Variants in PA2G4 observed in about 807,000 individuals in gnomAD.
The protein encoded by PA2G4 is proliferation-associated protein 2G4.
Under a neutral mutation model 53.3 loss-of-function variants are expected in PA2G4, and 8 were observed. That is an observed-to-expected ratio of 0.15 (90% confidence interval 0.09 to 0.27). The LOEUF is 0.27. Among genes scored for constraint, PA2G4 ranks in the 10% least tolerant of loss-of-function variants. The pLI, the probability that PA2G4 is intolerant of heterozygous loss-of-function variation, is 1.00. For synonymous variants in PA2G4, 143 were observed against 169.8 expected (o/e 0.84, Z 1.23); for missense variants, 208 against 486.8 (o/e 0.43, Z 5.39).
rs552743612 is a variant in PA2G4, at chr12:56,105,387, A to G, written c.88+562A>G. 2.6e-5 allele frequency among the ~76,000 whole-genome samples: 4 copies of G among 152,184 alleles called. No individual in the cohort carries two copies. In the South Asian group the frequency reaches 8.3e-4, roughly 32 times the overall value. On this transcript the variant is annotated intron_variant, in intron 1 of 12. Transcript: ENST00000303305. The stretch of plus-strand genomic sequence containing the variant: ...GCTGGAGCCTTTCCTTCTTTACTTC[A>G]GCTCTTACCCTGGTGGGGGCCCCCT...
Position 56,104,761 on chromosome 12 carries a change from G to A in PA2G4, c.24G>A (p.Gln8=). The A allele has an allele frequency of 6.2e-7, 1 of 1,614,000 alleles. No individual in the cohort carries two copies. The highest frequency in any genetic ancestry group is 8.5e-7 in the Non-Finnish European group (1 of 1,180,026). The part of the protein sequence containing the change: MSGEDEQ[Q]EQTIAEDLVV... Reference sequence around the variant, plus strand: ...AGATGTCGGGCGAGGACGAGCAACAGGAGCAAACTATCGCTGAGGACCTGG... The same window carrying A: ...AGATGTCGGGCGAGGACGAGCAACAAGAGCAAACTATCGCTGAGGACCTGG... The change falls in exon 1 of 13, where the codon CAG becomes CAA. Residue 8 remains glutamine, a synonymous_variant. Transcript: ENST00000303305.
Position 56,109,221 on chromosome 12 carries a change from T to C in PA2G4, c.487-9T>C. The C allele has an allele frequency of 6.2e-7, 1 of 1,602,920 alleles. No individual in the cohort carries two copies. The highest frequency in any genetic ancestry group is 1.1e-5 in the South Asian group (1 of 90,804). On this transcript the variant is annotated splice_polypyrimidine_tract_variant and intron_variant, in intron 5 of 12. Transcript: ENST00000303305. ...ATATCTCACCTTTCATTTGATGTTG[T>C]ACTTCTAGAACACACAAGTGACAGA...
intron 6 of PA2G4, among the ~76,000 whole-genome samples, chr12:56,109,648 A>G (rs1051294338): frequency 1.2e-4 from 18 of 151,322 alleles, no homozygotes; most frequent in African/African-American, 4.4e-4. Flanking sequence ...AAAAAAAAAG[A>G]ATGAGTGGCT....
Position 56,110,485 on chromosome 12 carries a change from G to T in PA2G4, c.708+8G>T. ...AGCTCAGGAGAGGGCAAGGTGAGGA[G>T]AGTACCAGAGTTGGCAAAGAGGGGT... On this transcript the variant is annotated splice_region_variant and intron_variant, in intron 8 of 12. Transcript: ENST00000303305. The T allele has an allele frequency of 6.2e-7, 1 of 1,613,260 alleles. No individual in the cohort carries two copies. Among genetic ancestry groups the T allele is most frequent in the Non-Finnish European group, 8.5e-7 (1 of 1,179,204 alleles).
intron 12 of PA2G4, 35 bp from the exon 13 acceptor site, chr12:56,112,788 G>T: frequency 7.1e-7 from 1 of 1,417,694 alleles, no homozygotes; most frequent in South Asian, 1.2e-5. Context: ...GTTAGAAACT[G>T]ACAGGTCTTC....
At chr12:56,109,728 C>G (rs1243957579) in intron 6 of PA2G4, 129 bp from the exon 7 acceptor site, 1 of 680,812 alleles carries the variant, frequency 1.5e-6, no homozygotes, top group Non-Finnish European at 2.7e-6. Flanking sequence ...CCAGAAATCT[C>G]AGAGCCCTGT....
Position 56,110,703 on chromosome 12 carries a change from A to T in PA2G4, c.842+11A>T, listed in dbSNP as rs763677064. On this transcript the variant is annotated intron_variant, in intron 9 of 12. Transcript: ENST00000303305. ...GCCGTTTACTTTAAGGTACTAAGCAATGATAGTACTTGGAACCAGTCTGAC... is the reference window on the plus strand; with the variant it reads ...GCCGTTTACTTTAAGGTACTAAGCATTGATAGTACTTGGAACCAGTCTGAC... 6.2e-7 allele frequency: 1 copy of T among 1,613,664 alleles called. No homozygotes were observed. The highest frequency in any genetic ancestry group is 8.5e-7 in the Non-Finnish European group (1 of 1,179,774).
intron 12 of PA2G4, among the ~76,000 whole-genome samples, 167 bp downstream of exon 12, chr12:56,111,696 A>C (rs1047868844): frequency 8.4e-6 from 1 of 118,612 alleles, no homozygotes. Context: ...CTGTAAGTCA[A>C]AATGGATTTT....
At position 56,113,874 on chromosome 12, in the gene PA2G4, C is replaced by T. The variant is rs1197580311; in HGVS notation, c.*986C>T. 1.1e-5 allele frequency: 8 copies of T among 702,148 alleles called. No homozygotes were observed. Among genetic ancestry groups the T allele is most frequent in the Admixed American group, 2.0e-5 (1 of 49,962 alleles). The allele number at this position is 702,148 out of a possible 1,614,324, so 43.5% of individuals were successfully genotyped here. On this transcript the variant is annotated 3_prime_UTR_variant, in exon 13 of 13. Transcript: ENST00000303305. The stretch of plus-strand genomic sequence containing the variant: ...AGGTTTTTAAACACATTGAAAATGA[C>T]ATGACATTAAAATAAATTTGGATTT...
At position 56,110,084 on chromosome 12, in the gene PA2G4, C is replaced by T. The variant is rs752640662; in HGVS notation, c.629+149C>T. ...TAATATTCCCTTTCTCTAGGCCGGG[C>T]GCGGTGGCTCACGCCTGTAATCCCA... On this transcript the variant is annotated intron_variant, in intron 7 of 12. Coordinates refer to ENST00000303305, the MANE Select transcript of PA2G4 (RefSeq NM_006191.3). The T allele has an allele frequency of 2.4e-5, 16 of 678,144 alleles. 1 individual carries two copies. The highest frequency in any genetic ancestry group is 4.0e-5 in the Non-Finnish European group (15 of 379,686). The allele number at this position is 678,144 out of a possible 1,614,324, so 42.0% of individuals were successfully genotyped here.
Position 56,104,617 on chromosome 12 carries a change from C to G in PA2G4, c.-121C>G. On this transcript the variant is annotated 5_prime_UTR_variant, in exon 1 of 13. Coordinates refer to ENST00000303305, the MANE Select transcript of PA2G4 (RefSeq NM_006191.3). ...GCCTGCCCGCTCCCTTGCTTGCTCG[C>G]GCTTTCGCTCGCCCTCTCCTCGAGG... 1 of 984,190 alleles carries G rather than the reference C, an allele frequency of 1.0e-6. No homozygotes were observed. Among genetic ancestry groups the G allele is most frequent in the East Asian group, 2.4e-5 (1 of 42,058 alleles). 61.0% of individuals were successfully genotyped at this position (984,190 alleles called of 1,614,324 possible). A position where few individuals can be genotyped will look rare whatever the true frequency, so the allele number is the denominator to read the frequency against.
intron 1 of PA2G4, 194 bp downstream of exon 1, chr12:56,105,019 A>G (rs552529090): frequency 1.1e-5 from 8 of 709,432 alleles, no homozygotes; most frequent in African/African-American, 3.5e-5. Context: ...GCTGAAGTCT[A>G]TGGAGGTGCG....
intron 9 of PA2G4, 55 bp downstream of exon 9, chr12:56,110,747 G>C: frequency 6.2e-7 from 1 of 1,605,814 alleles, no homozygotes; most frequent in Non-Finnish European, 8.5e-7. Context: ...CATACACCCA[G>C]GAACACTTTT....
At chr12:56,109,052 G>A (rs1869360404) in intron 5 of PA2G4, among the ~76,000 whole-genome samples, 178 bp from the exon 6 acceptor site, 1 of 151,216 alleles carries the variant, frequency 6.6e-6, no homozygotes, top group Non-Finnish European at 1.5e-5. Context: ...CTTGAACCCG[G>A]GAGGCAGAGA....
At chr12:56,109,967 C>T in intron 7 of PA2G4, 32 bp downstream of exon 7, 1 of 1,453,814 alleles carries the variant, frequency 6.9e-7, no homozygotes. Flanking sequence ...TACCTTCTAC[C>T]ACACAAGACT....
intron 12 of PA2G4, among the ~76,000 whole-genome samples, chr12:56,112,471 T>A (rs1298479727): frequency 6.6e-6 from 1 of 151,896 alleles, no homozygotes; most frequent in Non-Finnish European, 1.5e-5. Flanking sequence ...TTGAGATAAC[T>A]TTATGGCTGG....
chr12:56,106,486 G>A, intron 1 of PA2G4, 102 bp from the exon 2 acceptor site: 1 of 1,294,562 alleles, frequency 7.7e-7, no homozygotes, highest in Non-Finnish European at 1.0e-6. Flanking sequence ...ATGGCACCAG[G>A]GAGTATTATG....
At chr12:56,106,403 A>G (rs910403942) in intron 1 of PA2G4, 185 bp from the exon 2 acceptor site, 5 of 513,696 alleles carry the variant, frequency 9.7e-6, no homozygotes, top group African/African-American at 7.9e-5. Context: ...GCCTAGGGAG[A>G]TGGATTGTAT....
chr12:56,107,232 C>T lies in PA2G4; in HGVS notation c.369C>T (p.His123=), dbSNP rs78028795. The T allele has an allele frequency of 6.8e-4, 1,102 of 1,613,408 alleles. 17 individuals carry two copies. In the East Asian group the frequency reaches 0.012, roughly 18 times the overall value. The part of the protein sequence containing the change: ...HVDGFIANVA[H]TFVVDVAQGT... ...ATGGCTTCATCGCTAATGTAGCTCA[C>T]ACTTTTGTGGTTGATGTAGCTCAGG... Residue 123 remains histidine, a synonymous_variant, in exon 4 of 13, where the codon CAC becomes CAT. Transcript: ENST00000303305.
Sources: gnomAD v4.1 joint callset for allele counts (sites outside exome capture counted in the v4.1 genomes callset) on GRCh38, gnomAD v4.1.1 for gene constraint, MANE v1.5 for transcripts, NCBI Gene and HGNC (gene_info 2026-07-23, HGNC 2026-07-21) for gene names.